SEPTIN11: variants seen among roughly 807,000 people sequenced by gnomAD.
SEPTIN11 encodes the protein septin 11.
Under a neutral mutation model 51.4 loss-of-function variants are expected in SEPTIN11, and 25 were observed. The observed-to-expected ratio is 0.49, with a 90% CI of 0.35 to 0.68. The LOEUF (loss-of-function observed/expected upper bound fraction) is 0.68. Among genes scored for constraint, SEPTIN11 ranks in the 30% least tolerant of loss-of-function variants. The pLI is 0.00. For synonymous variants in SEPTIN11, 174 were observed against 184.1 expected, an observed-to-expected ratio of 0.95 and a Z score of 0.44; for missense variants, 381 against 520.8, an observed-to-expected ratio of 0.73 and a Z score of 2.61.
At chr4:76,972,602 C>T (rs1294200930) in intron 1 of SEPTIN11, 2 of 152,116 alleles carry the variant, frequency 1.3e-5, no homozygotes, top group South Asian at 2.1e-4. Flanking sequence ...TAATTAACAC[C>T]TAACTTGTAA....
At chr4:77,027,083 C>G (rs1360926247) in intron 7 of SEPTIN11, among the ~76,000 whole-genome samples, 1 of 152,248 alleles carries the variant, frequency 6.6e-6, no homozygotes, top group Non-Finnish European at 1.5e-5. Context: ...AGAGAACTTA[C>G]TTTTAATAAA....
At chr4:76,982,296 C>T (rs963682040) in intron 1 of SEPTIN11, among the ~76,000 whole-genome samples, 1 of 152,002 alleles carries the variant, frequency 6.6e-6, no homozygotes, top group African/African-American at 2.4e-5. Flanking sequence ...TTGTAACCTC[C>T]GCCTCCTGGG....
chr4:77,036,637 A>C lies in SEPTIN11; in HGVS notation c.*2125A>C. 1 of 1,486,820 alleles carries C rather than the reference A, an allele frequency of 6.7e-7. No individual in the cohort carries two copies. Among genetic ancestry groups the C allele is most frequent in the Non-Finnish European group, 8.8e-7 (1 of 1,131,366 alleles). The allele number at this position is 1,486,820 out of a possible 1,614,324, so 92.1% of individuals were successfully genotyped here. On this transcript the variant is annotated 3_prime_UTR_variant, in exon 10 of 10. Coordinates refer to ENST00000264893, the MANE Select transcript of SEPTIN11 (RefSeq NM_018243.4). Reference sequence around the variant, plus strand: ...GAGTCAGGGAATAAAAAGTCAAAAGAAACAAATAGAAGCTTTTTTTTTTAA... The same window carrying C: ...GAGTCAGGGAATAAAAAGTCAAAAGCAACAAATAGAAGCTTTTTTTTTTAA...
chr4:77,029,335 A>AGTGTGT (rs71767856), intron 8 of SEPTIN11, among the ~76,000 whole-genome samples: 5 of 149,520 alleles, frequency 3.3e-5, no homozygotes, highest in Admixed American at 1.3e-4. Context: ...ATTGTATTTG[A>AGTGTGT]GTGTGTGTGT....
intron 1 of SEPTIN11, among the ~76,000 whole-genome samples, chr4:76,966,851 G>A (rs1722055103): frequency 6.6e-6 from 1 of 152,024 alleles, no homozygotes; most frequent in South Asian, 2.1e-4. Flanking sequence ...GAGACAGAGG[G>A]AGCCCCTGTC....
intron 1 of SEPTIN11, among the ~76,000 whole-genome samples, chr4:76,982,466 T>C (rs924390489): frequency 1.3e-5 from 2 of 152,164 alleles, no homozygotes; most frequent in Non-Finnish European, 2.9e-5. Context: ...TGCCTCAGCC[T>C]CCCAAAGTGT....
chr4:77,015,052 T>G, intron 5 of SEPTIN11, 35 bp downstream of exon 5: 2 of 1,602,582 alleles, frequency 1.2e-6, no homozygotes, highest in Non-Finnish European at 1.7e-6. Context: ...CAAGTGATTT[T>G]TATGAACGCC....
chr4:77,005,737 G>A lies in SEPTIN11; in HGVS notation c.279G>A (p.Arg93=). The change falls in exon 3 of 10, where the codon CGG becomes CGA. Residue 93 remains arginine (R), a synonymous_variant. Transcript: ENST00000264893. ...ATGAGCTTCAGGAAAGCAATGTACG[G>A]CTGAAGTTAACCATTGTTGACACCG... ...RSYELQESNV[R]LKLTIVDTVG... is the part of the protein sequence containing the mutation. The A allele has an allele frequency of 6.2e-7, 1 of 1,614,024 alleles. No homozygotes were observed. The highest frequency in any genetic ancestry group is 8.5e-7 in the Non-Finnish European group (1 of 1,179,936).
chr4:77,009,365 A>G (rs1216302382), intron 3 of SEPTIN11, among the ~76,000 whole-genome samples: 1 of 152,166 alleles, frequency 6.6e-6, no homozygotes. Context: ...TAGGATAACC[A>G]ATTGTGGATG....
chr4:77,003,020 C>T (rs924704887), intron 2 of SEPTIN11, among the ~76,000 whole-genome samples: 1 of 152,228 alleles, frequency 6.6e-6, no homozygotes, highest in Non-Finnish European at 1.5e-5. Flanking sequence ...GTATTCCCAG[C>T]CTACATTCTG....
In SEPTIN11 at chr4:77,035,216, C is replaced by A; in HGVS notation, c.*704C>A. On this transcript the variant is annotated 3_prime_UTR_variant, in exon 10 of 10. Transcript: ENST00000264893. ...GAAAACTATGATTAGTTCACATTTA[C>A]TGGTGCATCCTTGATCCTCTCACAG... The A allele has an allele frequency of 1.0e-6, 1 of 985,376 alleles. No individual in the cohort carries two copies. Among genetic ancestry groups the A allele is most frequent in the Non-Finnish European group, 1.2e-6 (1 of 829,918 alleles). 61.0% of individuals were successfully genotyped at this position (985,376 alleles called of 1,614,324 possible). A position where few individuals can be genotyped will look rare whatever the true frequency, so the allele number is the denominator to read the frequency against.
At chr4:77,030,761 C>G (rs573065045) in intron 8 of SEPTIN11, 22 bp from the exon 9 acceptor site, 37 of 1,572,826 alleles carry the variant, frequency 2.4e-5, no homozygotes, top group South Asian at 1.5e-4. Context: ...ATTCACCAAG[C>G]CTGTTTTCTT....
chr4:77,024,689 GT>G lies in SEPTIN11; in HGVS notation c.954-3935del, dbSNP rs1451166331. ...AGGTCCAGGCCCCAGAGACTCACTT[GT>G]TTTTAGGAGTGCCTGGGCCTCTGTA... is the stretch of plus-strand genomic sequence containing the variant. On this transcript the variant is annotated intron_variant, in intron 7 of 9. Coordinates refer to ENST00000264893, the MANE Select transcript of SEPTIN11 (RefSeq NM_018243.4). This position sits in a 1 kb window ranked among gnomAD's most constrained non-coding sequence, Gnocchi z 4.2. Among the ~76,000 whole-genome samples, 1 of 152,134 alleles carries G rather than the reference GT, an allele frequency of 6.6e-6. No homozygotes were observed. Among genetic ancestry groups the G allele is most frequent in the Non-Finnish European group, 1.5e-5 (1 of 68,010 alleles).
At chr4:77,025,707 C>T (rs1578202291) in intron 7 of SEPTIN11, among the ~76,000 whole-genome samples, 1 of 152,092 alleles carries the variant, frequency 6.6e-6, no homozygotes, top group African/African-American at 2.4e-5. Flanking sequence ...TCTGTGGATG[C>T]TATGGTTCTA....
chr4:76,950,034 C>T, intron 1 of SEPTIN11, 104 bp downstream of exon 1: 3 of 1,104,618 alleles, frequency 2.7e-6, no homozygotes, highest in Non-Finnish European at 3.6e-6. Flanking sequence ...TGCTCGGCCC[C>T]GCGGCGGCGG....
chr4:76,960,039 GT>G (rs1427278907), intron 1 of SEPTIN11, among the ~76,000 whole-genome samples: 1 of 152,152 alleles, frequency 6.6e-6, no homozygotes, highest in East Asian at 1.9e-4. Context: ...TACCCCAAGA[GT>G]TTTTAAGAGA....
intron 1 of SEPTIN11, among the ~76,000 whole-genome samples, chr4:76,992,579 G>T (rs1464508759): frequency 6.6e-6 from 1 of 152,186 alleles, no homozygotes; most frequent in Non-Finnish European, 1.5e-5. Flanking sequence ...CTAATTTATA[G>T]AATTATTAAG....
Position 77,035,066 on chromosome 4 carries a change from A to C in SEPTIN11, c.*554A>C, listed in dbSNP as rs1726939128. 1.0e-6 allele frequency: 1 copy of C among 985,440 alleles called. No homozygotes were observed. Among genetic ancestry groups the C allele is most frequent in the African/African-American group, 1.7e-5 (1 of 57,348 alleles). 61.0% of individuals were successfully genotyped at this position (985,440 alleles called of 1,614,324 possible). On this transcript the variant is annotated 3_prime_UTR_variant, in exon 10 of 10. Transcript: ENST00000264893. ...ATTTTTACCCTTGCATGACATTTTC[A>C]TTTTAATCAATAACATTATTTGGCC...
intron 1 of SEPTIN11, among the ~76,000 whole-genome samples, chr4:76,988,688 T>G (rs975128012): frequency 5.3e-5 from 8 of 152,222 alleles, no homozygotes; most frequent in African/African-American, 1.9e-4. Context: ...AGGTTTTGTT[T>G]TGAGGATATA....
Sources: gnomAD v4.1 joint callset for allele counts (sites outside exome capture counted in the v4.1 genomes callset) on GRCh38, gnomAD v4.1.1 for gene constraint, Gnocchi (gnomAD v3.1) non-coding constraint, MANE v1.5 for transcripts, NCBI Gene and HGNC (gene_info 2026-07-23, HGNC 2026-07-21) for gene names.